CAMK4: variants seen among roughly 807,000 people sequenced by gnomAD.
The protein encoded by CAMK4 is calcium/calmodulin-dependent protein kinase type IV.
A neutral mutation model predicts 44.9 loss-of-function variants in CAMK4; 22 were observed. That is an observed-to-expected ratio of 0.49 (90% CI 0.35 to 0.70). CAMK4 has a LOEUF of 0.70. CAMK4 is among the 30% of genes least tolerant of loss of function. The probability of loss-of-function intolerance (pLI) is 0.01; values close to 1 mark genes in which losing one functional copy is unlikely to be tolerated. For synonymous variants in CAMK4, 218 were observed against 215.4 expected (o/e 1.01, Z -0.11); for missense variants, 498 against 586.8 (o/e 0.85, Z 1.56).
chr5:111,281,484 G>T (rs1022738917), intron 1 of CAMK4, among the ~76,000 whole-genome samples: 1 of 152,134 alleles, frequency 6.6e-6, no homozygotes, highest in Non-Finnish European at 1.5e-5. Context: ...TTTCCATGCT[G>T]AATTGTAAAG....
In CAMK4 at chr5:111,290,956, C is replaced by T. The variant is rs1393758336; in HGVS notation, c.162-53068C>T. On this transcript the variant is annotated intron_variant, in intron 1 of 10. Transcript: ENST00000282356. This position sits in a 1 kb window ranked among gnomAD's most constrained non-coding sequence, Gnocchi z 4.5. Reference sequence around the variant, plus strand: ...TAAATTAAGAAAATGCCACTTGGCTCTTTATGTTACCATGGGAAATTCTAA... The same window carrying T: ...TAAATTAAGAAAATGCCACTTGGCTTTTTATGTTACCATGGGAAATTCTAA... Among the ~76,000 whole-genome samples the T allele has an allele frequency of 6.6e-6, 1 of 152,124 alleles. No individual in the cohort carries two copies. The highest frequency in any genetic ancestry group is 1.5e-5 in the Non-Finnish European group (1 of 68,022).
intron 1 of CAMK4, among the ~76,000 whole-genome samples, chr5:111,265,390 A>G (rs1017576628): frequency 2.6e-4 from 40 of 152,346 alleles, no homozygotes; most frequent in African/African-American, 7.0e-4. Context: ...CTACTAAACC[A>G]TCTTTTAGGA....
chr5:111,452,798 G>A (rs1440972163), intron 7 of CAMK4, among the ~76,000 whole-genome samples: 4 of 152,170 alleles, frequency 2.6e-5, no homozygotes, highest in Non-Finnish European at 5.9e-5. Context: ...GAGGTTGAAA[G>A]TGACCAGGAT....
intron 2 of CAMK4, among the ~76,000 whole-genome samples, chr5:111,353,761 A>G (rs1349281301): frequency 6.6e-6 from 1 of 152,156 alleles, no homozygotes; most frequent in East Asian, 1.9e-4. Context: ...GACAGCATCA[A>G]AAACTTAAAA....
chr5:111,459,311 T>C (rs1754550567), intron 7 of CAMK4, among the ~76,000 whole-genome samples: 1 of 152,176 alleles, frequency 6.6e-6, no homozygotes, highest in African/African-American at 2.4e-5. Flanking sequence ...TCTGGCTCAA[T>C]ATACAAGACA....
intron 1 of CAMK4, among the ~76,000 whole-genome samples, chr5:111,308,112 AG>A (rs1168955774): frequency 9.3e-6 from 1 of 107,900 alleles, no homozygotes; most frequent in Non-Finnish European, 1.8e-5. Flanking sequence ...GGGTCGGGGG[AG>A]GGGGGAGGGA....
At chr5:111,397,690 T>TGC (rs1752072228) in intron 5 of CAMK4, among the ~76,000 whole-genome samples, 1 of 98,560 alleles carries the variant, frequency 1.0e-5, no homozygotes, top group South Asian at 3.7e-4. Context: ...TGTGTGTGTG[T>TGC]GTTTGCAGTT....
intron 1 of CAMK4, among the ~76,000 whole-genome samples, chr5:111,265,186 C>T (rs983617773): frequency 2.2e-4 from 34 of 152,130 alleles, no homozygotes; most frequent in Admixed American, 1.8e-3. Context: ...CCAAAACACC[C>T]CCTGAAACAC....
At chr5:111,388,254 A>C (rs529293597) in intron 4 of CAMK4, among the ~76,000 whole-genome samples, 1 of 152,318 alleles carries the variant, frequency 6.6e-6, no homozygotes, top group East Asian at 1.9e-4. Context: ...TGCTGTTCTC[A>C]CTACAGAATT....
intron 6 of CAMK4, among the ~76,000 whole-genome samples, chr5:111,447,166 C>T (rs112736777): frequency 2.6e-5 from 4 of 152,198 alleles, no homozygotes; most frequent in Admixed American, 1.3e-4. Flanking sequence ...TAATAAAGAA[C>T]TTTGACATAA....
chr5:111,434,291 C>CAAAAA lies in CAMK4; in HGVS notation c.460-12382_460-12378dup, dbSNP rs34360413. 5.3e-5 allele frequency among the ~76,000 whole-genome samples: 7 copies of CAAAAA among 131,966 alleles called. 1 individual carries two copies. Among genetic ancestry groups the CAAAAA allele is most frequent in the South Asian group, 2.5e-4 (1 of 4,036 alleles). The allele number at this position is 131,966 out of a possible 152,430, so 86.6% of individuals were successfully genotyped here. A position where few individuals can be genotyped will look rare whatever the true frequency, so the allele number is the denominator to read the frequency against. On this transcript the variant is annotated intron_variant, in intron 5 of 10. Transcript: ENST00000282356. Reference sequence around the variant, plus strand: ...CTGGCTACATAACGAGACTCTGTCTCAAAAAAAAAAAAAAAAATAGAGCCA... The same window carrying CAAAAA: ...CTGGCTACATAACGAGACTCTGTCTCAAAAAAAAAAAAAAAAAAAAAATAGAGCCA...
intron 5 of CAMK4, among the ~76,000 whole-genome samples, chr5:111,421,003 C>A (rs370826002): frequency 5.3e-5 from 8 of 152,150 alleles, no homozygotes; most frequent in African/African-American, 1.4e-4. Context: ...TAGGAAATCA[C>A]AAGGGTATTG....
At chr5:111,477,277 A>T (rs1755279944) in intron 8 of CAMK4, among the ~76,000 whole-genome samples, 1 of 152,232 alleles carries the variant, frequency 6.6e-6, no homozygotes, top group Admixed American at 6.5e-5. Flanking sequence ...GGAAGAGACA[A>T]ACATTCTCCC....
chr5:111,320,486 C>T (rs1290527194), intron 1 of CAMK4, among the ~76,000 whole-genome samples: 1 of 138,202 alleles, frequency 7.2e-6, no homozygotes, highest in Non-Finnish European at 1.6e-5. Flanking sequence ...ATGATATTGC[C>T]CTTTTTTGTT....
intron 5 of CAMK4, among the ~76,000 whole-genome samples, chr5:111,397,691 GTT>G (rs70973605): frequency 0.28 from 30,583 of 109,288 alleles, 3,361 homozygotes; most frequent in African/African-American, 0.33. Flanking sequence ...GTGTGTGTGT[GTT>G]TGCAGTTTAC....
At chr5:111,302,059 T>C (rs1393784949) in intron 1 of CAMK4, among the ~76,000 whole-genome samples, 2 of 152,242 alleles carry the variant, frequency 1.3e-5, no homozygotes, top group Non-Finnish European at 2.9e-5. Flanking sequence ...CCCTGGATTC[T>C]TTAAGCCTTT....
intron 7 of CAMK4, among the ~76,000 whole-genome samples, chr5:111,452,652 A>T (rs1487817820): frequency 6.6e-6 from 1 of 152,148 alleles, no homozygotes; most frequent in Non-Finnish European, 1.5e-5. Context: ...TACTGTTTTA[A>T]TATATTGTCC....
rs148288914 is a variant in CAMK4 at position 111,367,338 on chromosome 5, A to G, written c.241-7512A>G. On this transcript the variant is annotated intron_variant, in intron 2 of 10. Coordinates refer to ENST00000282356, the MANE Select transcript of CAMK4 (RefSeq NM_001744.6). ...ACTCCCAGGATGACGGCAATAAATC[A>G]CTCATGAGAGCACATACCTCATGAC... Among the ~76,000 whole-genome samples the G allele has an allele frequency of 2.8e-3, 423 of 151,724 alleles. 3 individuals carry two copies. Among genetic ancestry groups the G allele is most frequent in the African/African-American group, 9.9e-3 (411 of 41,330 alleles).
intron 7 of CAMK4, among the ~76,000 whole-genome samples, chr5:111,469,159 AAAAAAAAAAAAAAAT>A (rs1288104880): frequency 1.2e-5 from 1 of 85,862 alleles, no homozygotes; most frequent in African/African-American, 5.0e-5. Flanking sequence ...AAAAAAAAAA[AAAAAAAAAAAAAAAT>A]ATATATATAT....
Sources: gnomAD v4.1 joint callset for allele counts (sites outside exome capture counted in the v4.1 genomes callset) on GRCh38, gnomAD v4.1.1 for gene constraint, Gnocchi (gnomAD v3.1) non-coding constraint, MANE v1.5 for transcripts, NCBI Gene and HGNC (gene_info 2026-07-23, HGNC 2026-07-21) for gene names.